The following RAP1GDS1 variants were observed in gnomAD, a reference collection of about 807,000 sequenced individuals.
RAP1GDS1 encodes the protein RAP1, GTP-GDP dissociation stimulator 1.
RAP1GDS1 carries 35 observed loss-of-function variants against 71.1 expected under a neutral mutation model. The ratio of observed to expected loss-of-function variants is 0.49; its 90% CI spans 0.38 to 0.65. RAP1GDS1 has a LOEUF of 0.65. RAP1GDS1 is among the 30% of genes least tolerant of loss of function. RAP1GDS1 has a pLI of 0.00. For synonymous variants in RAP1GDS1, 229 were observed against 243.1 expected (o/e 0.94, Z 0.54); for missense variants, 663 against 706.1 (o/e 0.94, Z 0.69).
chr4:98,353,800 T>A (rs1323117546), intron 4 of RAP1GDS1, among the ~76,000 whole-genome samples: 4 of 152,208 alleles, frequency 2.6e-5, no homozygotes, highest in African/African-American at 9.6e-5. Flanking sequence ...ATTTACAAAA[T>A]TCTGTTGCTT....
rs779516699 is a variant in RAP1GDS1, at chr4:98,334,516, G to A, written c.113-8623G>A. ...GACTAGTCAGCGTAGCAGGGAAATC[G>A]TTTAGTGTGTTTTTGGTTTTTTGTT... is the stretch of plus-strand genomic sequence containing the variant. On this transcript the variant is annotated intron_variant, in intron 2 of 14. Transcript: ENST00000408927. 3.9e-5 allele frequency among the ~76,000 whole-genome samples: 6 copies of A among 152,202 alleles called. No individual in the cohort carries two copies. The South Asian group carries it at 6.2e-4, about 16-fold the overall frequency.
At chr4:98,326,158 A>T (rs1578450750) in intron 2 of RAP1GDS1, among the ~76,000 whole-genome samples, 1 of 152,170 alleles carries the variant, frequency 6.6e-6, no homozygotes, top group African/African-American at 2.4e-5. Context: ...ATTTCTCAGA[A>T]TAGAACTTAA....
intron 1 of RAP1GDS1, among the ~76,000 whole-genome samples, chr4:98,268,841 T>C (rs1403875905): frequency 6.6e-6 from 1 of 152,166 alleles, no homozygotes; most frequent in African/African-American, 2.4e-5. Flanking sequence ...CCCATATTCA[T>C]AAATTGGAAG....
chr4:98,377,657 A>G (rs1741359529), intron 4 of RAP1GDS1, among the ~76,000 whole-genome samples: 1 of 135,136 alleles, frequency 7.4e-6, no homozygotes, highest in Non-Finnish European at 1.6e-5. Flanking sequence ...TGTGTATACC[A>G]TAAGAAATTA....
intron 1 of RAP1GDS1, among the ~76,000 whole-genome samples, chr4:98,273,338 CAA>C (rs1252445053): frequency 6.6e-6 from 1 of 151,958 alleles, no homozygotes; most frequent in African/African-American, 2.4e-5. Context: ...CAAATTTCAA[CAA>C]TGCAAAAACT....
At chr4:98,437,817 T>C (rs1751353543) in intron 14 of RAP1GDS1, among the ~76,000 whole-genome samples, 1 of 151,892 alleles carries the variant, frequency 6.6e-6, no homozygotes. Flanking sequence ...ATTTTTTTTT[T>C]CAACAAATCA....
rs549840414 is a variant in RAP1GDS1 at position 98,314,547 on chromosome 4, T to C, written c.112+21032T>C. Among the ~76,000 whole-genome samples the C allele has an allele frequency of 2.1e-4, 32 of 152,310 alleles. No individual in the cohort carries two copies. The South Asian group carries it at 3.9e-3, about 19-fold the overall frequency. ...TTATACATCCCTCCAGTTGAACTTA[T>C]GTCAGTGTGTATTCATTGTTTGTAT... is the stretch of plus-strand genomic sequence containing the variant. On this transcript the variant is annotated intron_variant, in intron 2 of 14. Transcript: ENST00000408927.
intron 1 of RAP1GDS1, among the ~76,000 whole-genome samples, chr4:98,284,517 G>GT (rs1725690762): frequency 6.6e-6 from 1 of 152,158 alleles, no homozygotes; most frequent in African/African-American, 2.4e-5. Context: ...TGAATATTAA[G>GT]TTATGGTAGC....
intron 1 of RAP1GDS1, among the ~76,000 whole-genome samples, chr4:98,263,281 A>G (rs1386241383): frequency 6.6e-6 from 1 of 152,172 alleles, no homozygotes; most frequent in Non-Finnish European, 1.5e-5. Flanking sequence ...ATATTTTCCC[A>G]TGTTTCCAGG....
chr4:98,283,455 A>G (rs1444480268), intron 1 of RAP1GDS1, among the ~76,000 whole-genome samples: 1 of 152,172 alleles, frequency 6.6e-6, no homozygotes, highest in African/African-American at 2.4e-5. Context: ...CATATTAGGC[A>G]TTATAAACAG....
intron 12 of RAP1GDS1, among the ~76,000 whole-genome samples, chr4:98,423,185 G>A (rs1184338782): frequency 6.6e-6 from 1 of 152,216 alleles, no homozygotes; most frequent in African/African-American, 2.4e-5. Flanking sequence ...GGGTAATCTG[G>A]GATGGTGCCA....
At chr4:98,376,970 A>G (rs1741267169) in intron 4 of RAP1GDS1, among the ~76,000 whole-genome samples, 1 of 151,914 alleles carries the variant, frequency 6.6e-6, no homozygotes, top group Non-Finnish European at 1.5e-5. Flanking sequence ...ATTTTAATTT[A>G]TTGAATTATG....
At chr4:98,414,688 T>A (rs972555867) in intron 7 of RAP1GDS1, among the ~76,000 whole-genome samples, 1 of 151,372 alleles carries the variant, frequency 6.6e-6, no homozygotes, top group African/African-American at 2.4e-5. Context: ...AGGATTGACT[T>A]GGCGATGCGG....
chr4:98,280,318 G>T (rs961024579), intron 1 of RAP1GDS1, among the ~76,000 whole-genome samples: 1 of 152,180 alleles, frequency 6.6e-6, no homozygotes, highest in Non-Finnish European at 1.5e-5. Context: ...GTGTGAGATG[G>T]TATCTCATTG....
chr4:98,372,555 T>C (rs1278997051), intron 4 of RAP1GDS1, among the ~76,000 whole-genome samples: 1 of 152,236 alleles, frequency 6.6e-6, no homozygotes, highest in Non-Finnish European at 1.5e-5. Flanking sequence ...CAGTTTATCT[T>C]CAAATATTAT....
chr4:98,415,902 CACG>C (rs1214158243), intron 7 of RAP1GDS1, among the ~76,000 whole-genome samples: 1 of 152,062 alleles, frequency 6.6e-6, no homozygotes, highest in Non-Finnish European at 1.5e-5. Flanking sequence ...TTTTTAAAAA[CACG>C]ACTTTATTTA....
chr4:98,284,339 A>T (rs940155254), intron 1 of RAP1GDS1, among the ~76,000 whole-genome samples: 1 of 152,180 alleles, frequency 6.6e-6, no homozygotes, highest in Non-Finnish European at 1.5e-5. Context: ...CCAGGTACTG[A>T]ACATATTAAA....
At chr4:98,264,051 C>T (rs1471957760) in intron 1 of RAP1GDS1, among the ~76,000 whole-genome samples, 7 of 152,114 alleles carry the variant, frequency 4.6e-5, no homozygotes, top group African/African-American at 1.7e-4. Context: ...AGAAGGTATA[C>T]TGGTTAATGA....
chr4:98,305,834 C>T (rs959928840), intron 2 of RAP1GDS1, among the ~76,000 whole-genome samples: 5 of 152,140 alleles, frequency 3.3e-5, no homozygotes, highest in African/African-American at 1.2e-4. Context: ...ATTTTTGCTT[C>T]TTAAGTTTGC....
Sources: allele counts gnomAD v4.1 joint callset (sites outside exome capture counted in the v4.1 genomes callset), GRCh38; gene constraint gnomAD v4.1.1; transcripts MANE v1.5; gene names NCBI Gene and HGNC (gene_info 2026-07-23, HGNC 2026-07-21).